The following MEF2D variants were observed in gnomAD, a reference collection of about 807,000 sequenced individuals.
MEF2D encodes myocyte-specific enhancer factor 2D.
A neutral mutation model predicts 59.3 loss-of-function variants in MEF2D; 10 were observed. That is an observed-to-expected ratio of 0.17 (90% confidence interval 0.10 to 0.29). The LOEUF is 0.29. Ranked by LOEUF, MEF2D falls within the 10% of genes least tolerant of loss-of-function variation. The pLI, the probability that MEF2D is intolerant of heterozygous loss-of-function variation, is 1.00. For missense variants in MEF2D, 508 were observed against 699.4 expected (o/e 0.73, Z 3.09); for synonymous variants, 305 against 295.0 (o/e 1.03, Z -0.35).
At chr1:156,478,608 A>G (rs751111989) in intron 6 of MEF2D, among the ~76,000 whole-genome samples, 4 of 152,064 alleles carry the variant, frequency 2.6e-5, no homozygotes, top group Non-Finnish European at 4.4e-5. Context: ...TCAGTTCACC[A>G]CAACCTCTGC....
intron 6 of MEF2D, among the ~76,000 whole-genome samples, chr1:156,478,443 G>A (rs1164839822): frequency 1.3e-5 from 2 of 152,140 alleles, no homozygotes; most frequent in African/African-American, 2.4e-5. Context: ...CGTGACATTC[G>A]AAGTCACAGT....
At chr1:156,480,079 A>G (rs1045620928) in intron 4 of MEF2D, among the ~76,000 whole-genome samples, 4 of 152,142 alleles carry the variant, frequency 2.6e-5, no homozygotes, top group African/African-American at 9.7e-5. Flanking sequence ...GACACCCCCT[A>G]GTGGAGGTGG....
rs748414721 is a variant in MEF2D at position 156,467,472 on chromosome 1, T to TATAATA, written c.*167_*172dup. The TATAATA allele has an allele frequency of 5.7e-5, 18 of 315,816 alleles. No homozygotes were observed. The highest frequency in any genetic ancestry group is 1.2e-4 in the East Asian group (2 of 16,558). The allele number at this position is 315,816 out of a possible 1,614,324, so 19.6% of individuals were successfully genotyped here. A position where few individuals can be genotyped will look rare whatever the true frequency, so the allele number is the denominator to read the frequency against. On this transcript the variant is annotated 3_prime_UTR_variant, in exon 12 of 12. Transcript: ENST00000348159. ...AAGCGAGAATCCAAATTAAAAAAAATATAATAATAATAATAATAATATAAT... is the reference window on the plus strand; with the variant it reads ...AAGCGAGAATCCAAATTAAAAAAAATATAATAATAATAATAATAATAATAATATAAT...
At chr1:156,488,147 G>A (rs536445896) in intron 1 of MEF2D, among the ~76,000 whole-genome samples, 1 of 152,372 alleles carries the variant, frequency 6.6e-6, no homozygotes, top group South Asian at 2.1e-4. Context: ...CAGGACAAGG[G>A]TGGGGCGGAG....
Position 156,463,909 on chromosome 1 carries a change from A to G in MEF2D, c.*3736T>C, listed in dbSNP as rs1557868658. ...ATATTGAAAACAAATCAACAGCCTC[A>G]CACTTGGACTCGCCCTGCCCCAGGA... is the stretch of plus-strand genomic sequence containing the variant. On this transcript the variant is annotated 3_prime_UTR_variant, in exon 12 of 12. Coordinates refer to ENST00000348159, the MANE Select transcript of MEF2D (RefSeq NM_005920.4). 1 of 152,662 alleles carries G rather than the reference A, an allele frequency of 6.6e-6. No homozygotes were observed. Among genetic ancestry groups the G allele is most frequent in the Non-Finnish European group, 1.5e-5 (1 of 68,050 alleles). The allele number at this position is 152,662 out of a possible 1,614,324, so 9.5% of individuals were successfully genotyped here.
At chr1:156,478,431 A>G (rs1009112219) in intron 6 of MEF2D, among the ~76,000 whole-genome samples, 19 of 152,304 alleles carry the variant, frequency 1.2e-4, no homozygotes, top group African/African-American at 4.3e-4. Context: ...GGTGACGTCA[A>G]TCGTGACATT....
chr1:156,475,355 G>A (rs1671501384), intron 8 of MEF2D, 118 bp from the exon 9 acceptor site: 1 of 1,252,966 alleles, frequency 8.0e-7, no homozygotes, highest in Admixed American at 2.9e-5. Flanking sequence ...GGGTGCCTTA[G>A]CACGGAGGCC....
chr1:156,470,483 G>A (rs1349299760), intron 9 of MEF2D, among the ~76,000 whole-genome samples: 1 of 152,042 alleles, frequency 6.6e-6, no homozygotes, highest in Non-Finnish European at 1.5e-5. Context: ...CTGTGGTAGT[G>A]GGAGTGCTGT....
In MEF2D at chr1:156,480,856, T is replaced by TCGAGCTC; in HGVS notation, c.367_373dup (p.Asp125GlyfsTer79). 1 of 1,598,648 alleles carries TCGAGCTC rather than the reference T, an allele frequency of 6.3e-7. No individual in the cohort carries two copies. Among genetic ancestry groups the TCGAGCTC allele is most frequent in the Non-Finnish European group, 8.5e-7 (1 of 1,172,912 alleles). On this transcript the variant is annotated frameshift_variant, in exon 4 of 12. Coordinates refer to ENST00000348159, the MANE Select transcript of MEF2D (RefSeq NM_005920.4). LOFTEE classifies it high-confidence loss of function. The stretch of plus-strand genomic sequence containing the variant: ...CACCCCATAGCGCCGGAAGAGCCCG[T>TCGAGCTC]CGAGCTCCTCGCTGGCGCGTCGGTA...
intron 9 of MEF2D, among the ~76,000 whole-genome samples, chr1:156,472,696 G>C (rs1295916521): frequency 2.7e-5 from 4 of 148,266 alleles, no homozygotes. Flanking sequence ...CTACAGGCGT[G>C]TGCCACCACG....
At chr1:156,499,572 G>A (rs3790461) in intron 1 of MEF2D, 35,096 of 151,970 alleles carry the variant, frequency 0.23, 4,301 homozygotes, top group Admixed American at 0.28. Context: ...TGGTAGGAGA[G>A]AAGCTGGCAT....
chr1:156,487,043 T>C (rs1672419110), intron 1 of MEF2D, among the ~76,000 whole-genome samples: 1 of 152,000 alleles, frequency 6.6e-6, no homozygotes, highest in Non-Finnish European at 1.5e-5. Flanking sequence ...CACCCTCAGG[T>C]TGGTTGGTGC....
chr1:156,497,738 G>A (rs535012069), intron 1 of MEF2D, among the ~76,000 whole-genome samples: 84 of 152,284 alleles, frequency 5.5e-4, no homozygotes, highest in African/African-American at 1.9e-3. Flanking sequence ...GTGTGGCAAA[G>A]TGTCCAACCA....
chr1:156,498,101 T>TA (rs5777987), intron 1 of MEF2D, among the ~76,000 whole-genome samples: 1,892 of 56,038 alleles, frequency 0.034, 240 homozygotes, highest in African/African-American at 0.11. Context: ...CAGGAAAGAT[T>TA]AAAAAAAAAA....
intron 8 of MEF2D, 27 bp from the exon 9 acceptor site, chr1:156,475,264 G>A (rs372897136): frequency 1.3e-6 from 2 of 1,564,978 alleles, no homozygotes; most frequent in African/African-American, 2.7e-5. Context: ...TCCGTCAGGA[G>A]GTGGCTGACA....
At chr1:156,492,531 T>A (rs982680487) in intron 1 of MEF2D, among the ~76,000 whole-genome samples, 1 of 152,186 alleles carries the variant, frequency 6.6e-6, no homozygotes, top group African/African-American at 2.4e-5. Flanking sequence ...CTCTCCCATA[T>A]CTTCTGAAAC....
rs1425931844 is a variant in MEF2D, at chr1:156,482,537, T to C, written c.158A>G (p.Lys53Arg). The change falls in exon 3 of 12, where the codon AAG (lysine) becomes AGG (arginine). Residue 53 changes from lysine to arginine, a missense_variant. By Grantham distance (26) the Lys-to-Arg change is conservative. Coordinates refer to ENST00000348159, the MANE Select transcript of MEF2D (RefSeq NM_005920.4). ...GTCGGTGCTGGCGTACTGGAACAGC[T>C]TGTTGGAGTGGTTGAAGATGATGAG... ...IALIIFNHSNKLFQYASTDMD... is the reference protein window; with the variant it reads ...IALIIFNHSNRLFQYASTDMD... The C allele has an allele frequency of 6.2e-7, 1 of 1,614,092 alleles. No individual in the cohort carries two copies. The highest frequency in any genetic ancestry group is 1.3e-5 in the African/African-American group (1 of 74,920).
At chr1:156,500,181 C>A (rs1353918854) in intron 1 of MEF2D, among the ~76,000 whole-genome samples, 2 of 152,188 alleles carry the variant, frequency 1.3e-5, no homozygotes, top group Non-Finnish European at 2.9e-5. Context: ...TCGTAAACCC[C>A]CTACACGAAC....
At chr1:156,469,701 A>G (rs1373026383) in intron 9 of MEF2D, among the ~76,000 whole-genome samples, 1 of 151,884 alleles carries the variant, frequency 6.6e-6, no homozygotes, top group Non-Finnish European at 1.5e-5. Flanking sequence ...CAGACTGGGC[A>G]ACATAAGGAG....
Sources: gnomAD v4.1 joint callset for allele counts (sites outside exome capture counted in the v4.1 genomes callset) on GRCh38, gnomAD v4.1.1 for gene constraint, MANE v1.5 for transcripts, NCBI Gene and HGNC (gene_info 2026-07-23, HGNC 2026-07-21) for gene names.